CMIP: variants seen among roughly 807,000 people sequenced by gnomAD.
CMIP encodes the protein C-Maf-inducing protein.
CMIP carries 13 observed loss-of-function variants against 97.3 expected under a neutral mutation model. The observed-to-expected ratio is 0.13, with a 90% CI of 0.09 to 0.21. The LOEUF (loss-of-function observed/expected upper bound fraction) is 0.21, where lower values mean the gene tolerates loss of function less well. Ranked by LOEUF, CMIP falls within the 10% of genes least tolerant of loss-of-function variation. The probability of loss-of-function intolerance (pLI) is 1.00; values close to 1 mark genes in which losing one functional copy is unlikely to be tolerated. For synonymous variants in CMIP, 538 were observed against 436.3 expected (o/e 1.23, Z -2.91); for missense variants, 847 against 1,024.9 (o/e 0.83, Z 2.37).
At chr16:81,481,545 G>T (rs557440707) in intron 1 of CMIP, among the ~76,000 whole-genome samples, 3 of 152,360 alleles carry the variant, frequency 2.0e-5, no homozygotes, top group Admixed American at 2.0e-4. Flanking sequence ...ATGGGGCCAT[G>T]CCAGGGCCAG....
intron 1 of CMIP, among the ~76,000 whole-genome samples, chr16:81,538,579 A>G (rs1294513272): frequency 2.0e-5 from 3 of 152,110 alleles, no homozygotes; most frequent in Non-Finnish European, 4.4e-5. Flanking sequence ...TTTGATTACC[A>G]TTTTATAAGA....
intron 3 of CMIP, chr16:81,645,817 G>C (rs2092358422): frequency 3.4e-6 from 2 of 591,428 alleles, no homozygotes; most frequent in Admixed American, 5.9e-5. Flanking sequence ...GTTTAGCCAG[G>C]AACTGAGCTA....
intron 9 of CMIP, among the ~76,000 whole-genome samples, chr16:81,673,375 G>A (rs1044271129): frequency 3.3e-5 from 5 of 152,082 alleles, no homozygotes; most frequent in Admixed American, 6.6e-5. Flanking sequence ...AAAATTAGCC[G>A]GGCATGGTGG....
At chr16:81,608,010 C>T (rs2150942618) in intron 2 of CMIP, among the ~76,000 whole-genome samples, 1 of 152,276 alleles carries the variant, frequency 6.6e-6, no homozygotes, top group South Asian at 2.1e-4. Context: ...CTGAGGCACA[C>T]AGGTGAGTTG....
intron 1 of CMIP, among the ~76,000 whole-genome samples, chr16:81,597,855 TC>T (rs1254567331): frequency 6.6e-6 from 1 of 151,404 alleles, no homozygotes; most frequent in East Asian, 1.9e-4. Context: ...ATCATCTGTC[TC>T]CCCCCCAGCT....
At chr16:81,675,590 C>T (rs192815496) in intron 9 of CMIP, among the ~76,000 whole-genome samples, 1 of 152,252 alleles carries the variant, frequency 6.6e-6, no homozygotes, top group African/African-American at 2.4e-5. Context: ...AAATAGATTC[C>T]TGGCTGCAAC....
chr16:81,625,990 G>A (rs1320901200), intron 3 of CMIP, among the ~76,000 whole-genome samples: 1 of 152,256 alleles, frequency 6.6e-6, no homozygotes, highest in African/African-American at 2.4e-5. Flanking sequence ...GGCTGCCAGG[G>A]CCAGAGGAGT....
rs779905661 is a variant in CMIP at position 81,660,934 on chromosome 16, A to G, written c.732A>G (p.Glu244=). 1.2e-6 allele frequency: 2 copies of G among 1,613,854 alleles called. No individual in the cohort carries two copies. Among genetic ancestry groups the G allele is most frequent in the African/African-American group, 1.3e-5 (1 of 74,904 alleles). Residue 244 remains glutamate, a synonymous_variant, in exon 6 of 21, where the codon GAA becomes GAG. Coordinates refer to ENST00000537098, the MANE Select transcript of CMIP (RefSeq NM_198390.3). ...ENNHPPPDLC[E]FFCKHCRERP... is the part of the protein sequence containing the mutation. ...ACCACCCACCACCAGATCTCTGTGAATTCTTTTGCAAGGTACGGGATTGCT... is the reference window on the plus strand; with the variant it reads ...ACCACCCACCACCAGATCTCTGTGAGTTCTTTTGCAAGGTACGGGATTGCT...
rs767272070 is a variant in CMIP at position 81,693,165 on chromosome 16, G to A, written c.1462G>A (p.Ala488Thr). The change falls in exon 12 of 21, where the codon GCA (alanine) becomes ACA (threonine). Residue 488 changes from alanine to threonine, a missense_variant. Coordinates refer to ENST00000537098, the MANE Select transcript of CMIP (RefSeq NM_198390.3). ...QPIPFPKEAL[A>T]HEKFTKELKY... ...CCCCTGTTTTTGTTGCAGAGCTCTCGCACATGAGAAGTTCACCAAGTGAGT... is the reference window on the plus strand; with the variant it reads ...CCCCTGTTTTTGTTGCAGAGCTCTCACACATGAGAAGTTCACCAAGTGAGT... 3.1e-6 allele frequency: 5 copies of A among 1,612,738 alleles called. No homozygotes were observed. Among genetic ancestry groups the A allele is most frequent in the African/African-American group, 1.3e-5 (1 of 74,886 alleles).
chr16:81,663,932 C>T (rs1021986361), intron 6 of CMIP, among the ~76,000 whole-genome samples: 1 of 152,174 alleles, frequency 6.6e-6, no homozygotes, highest in African/African-American at 2.4e-5. Flanking sequence ...GCCCCACATG[C>T]CTGCTGGCCT....
At chr16:81,647,353 G>A (rs1224766090) in intron 3 of CMIP, among the ~76,000 whole-genome samples, 2 of 152,142 alleles carry the variant, frequency 1.3e-5, no homozygotes, top group African/African-American at 4.8e-5. Context: ...TGCATATTCT[G>A]TGTTTATTTT....
At chr16:81,537,794 G>A (rs967133638) in intron 1 of CMIP, among the ~76,000 whole-genome samples, 1 of 152,218 alleles carries the variant, frequency 6.6e-6, no homozygotes, top group Non-Finnish European at 1.5e-5. Context: ...GGAGCCTCCC[G>A]CTTTGAGCAG....
At chr16:81,445,955 C>T (rs1361719136) in intron 1 of CMIP, among the ~76,000 whole-genome samples, 4 of 146,514 alleles carry the variant, frequency 2.7e-5, no homozygotes, top group Middle Eastern at 3.4e-3. Flanking sequence ...AAATACCACC[C>T]CTCAGATTTA....
intron 4 of CMIP, among the ~76,000 whole-genome samples, chr16:81,656,932 G>A (rs867004239): frequency 2.0e-5 from 3 of 152,108 alleles, no homozygotes; most frequent in Middle Eastern, 3.4e-3. Context: ...CCAAAAGTCC[G>A]AAACTTTCTG....
chr16:81,561,766 G>T (rs551548021), intron 1 of CMIP, among the ~76,000 whole-genome samples: 2 of 152,318 alleles, frequency 1.3e-5, no homozygotes, highest in East Asian at 3.9e-4. Flanking sequence ...GGCATGTGTA[G>T]CCATTGGAAT....
At chr16:81,459,267 C>A (rs1906759275) in intron 1 of CMIP, among the ~76,000 whole-genome samples, 1 of 152,196 alleles carries the variant, frequency 6.6e-6, no homozygotes, top group Admixed American at 6.5e-5. Context: ...TGTGAAGGGA[C>A]AGGAAAGTCT....
At chr16:81,510,308 C>T (rs1023960760) in intron 1 of CMIP, among the ~76,000 whole-genome samples, 2 of 152,154 alleles carry the variant, frequency 1.3e-5, no homozygotes, top group Non-Finnish European at 2.9e-5. Flanking sequence ...CAAGTGGGAC[C>T]ATGATGGCCG....
chr16:81,699,029 A>G (rs1459426024), intron 14 of CMIP, among the ~76,000 whole-genome samples: 1 of 152,222 alleles, frequency 6.6e-6, no homozygotes, highest in Non-Finnish European at 1.5e-5. Flanking sequence ...AGTTGGGTGG[A>G]CCACTTGAGT....
chr16:81,476,861 A>T (rs1907955462), intron 1 of CMIP, among the ~76,000 whole-genome samples: 1 of 151,400 alleles, frequency 6.6e-6, no homozygotes, highest in Non-Finnish European at 1.5e-5. Context: ...TTTTGTCCTT[A>T]CTTCCCGACG....
Sources: gnomAD v4.1 joint callset for allele counts (sites outside exome capture counted in the v4.1 genomes callset) on GRCh38, gnomAD v4.1.1 for gene constraint, MANE v1.5 for transcripts, NCBI Gene and HGNC (gene_info 2026-07-23, HGNC 2026-07-21) for gene names.